GRIN2B: variants seen among roughly 807,000 people sequenced by gnomAD.
The protein encoded by GRIN2B is glutamate receptor ionotropic, NMDA 2B.
Under a neutral mutation model 114.5 loss-of-function variants are expected in GRIN2B, and 5 were observed. The ratio of observed to expected loss-of-function variants is 0.04; its 90% CI spans 0.02 to 0.09. The LOEUF (loss-of-function observed/expected upper bound fraction) is 0.09. Ranked by LOEUF, GRIN2B falls within the 10% of genes least tolerant of loss-of-function variation. The pLI, the probability that GRIN2B is intolerant of heterozygous loss-of-function variation, is 1.00. For synonymous variants in GRIN2B, 787 were observed against 745.1 expected (o/e 1.06, Z -0.92); for missense variants, 1,108 against 1,943.5 (o/e 0.57, Z 8.08).
intron 4 of GRIN2B, among the ~76,000 whole-genome samples, chr12:13,685,847 T>A (rs1379315864): frequency 1.3e-5 from 2 of 152,174 alleles, no homozygotes; most frequent in East Asian, 1.9e-4. Flanking sequence ...TTGTTTGCAA[T>A]AAGGAGTTTG....
chr12:13,767,074 G>A (rs1042019527), intron 3 of GRIN2B, among the ~76,000 whole-genome samples: 3 of 152,006 alleles, frequency 2.0e-5, no homozygotes, highest in Admixed American at 1.3e-4. Flanking sequence ...GGCTAACACC[G>A]TGAAACCCCG....
intron 3 of GRIN2B, among the ~76,000 whole-genome samples, chr12:13,818,711 C>T (rs1864874950): frequency 6.6e-6 from 1 of 152,040 alleles, no homozygotes; most frequent in South Asian, 2.1e-4. Context: ...GATTACTAGC[C>T]CTCAACTTTC....
intron 2 of GRIN2B, among the ~76,000 whole-genome samples, chr12:13,884,333 A>C (rs1042570289): frequency 6.6e-6 from 1 of 152,168 alleles, no homozygotes; most frequent in African/African-American, 2.4e-5. Flanking sequence ...AGACACCTTA[A>C]CAATATTGAG....
rs561287450 is a variant in GRIN2B at position 13,591,645 on chromosome 12, C to A, written c.2010+16958G>T. On this transcript the variant is annotated intron_variant, in intron 10 of 13. Coordinates refer to ENST00000609686, the MANE Select transcript of GRIN2B (RefSeq NM_000834.5). ...TGTAAAGCATCTAGCCTGGAGAATG[C>A]CACCCAGCAGTCACTAATGACAGGT... 2.0e-5 allele frequency among the ~76,000 whole-genome samples: 3 copies of A among 152,214 alleles called. No individual in the cohort carries two copies. In the South Asian group the frequency reaches 6.2e-4, roughly 32 times the overall value.
chr12:13,831,876 C>T (rs1865154393), intron 3 of GRIN2B, among the ~76,000 whole-genome samples: 1 of 152,130 alleles, frequency 6.6e-6, no homozygotes, highest in Middle Eastern at 3.2e-3. Flanking sequence ...ATAAGCAGTA[C>T]CCTGTGTTTC....
At chr12:13,577,893 T>C (rs1948798661) in intron 10 of GRIN2B, among the ~76,000 whole-genome samples, 2 of 152,216 alleles carry the variant, frequency 1.3e-5, no homozygotes, top group South Asian at 4.1e-4. Flanking sequence ...CCATTTACTT[T>C]TTCATTTCAT....
chr12:13,887,480 T>C (rs1866183993), intron 2 of GRIN2B, among the ~76,000 whole-genome samples: 1 of 151,910 alleles, frequency 6.6e-6, no homozygotes, highest in Non-Finnish European at 1.5e-5. Context: ...AGGCATGGGA[T>C]TACAAGGCAC....
At chr12:13,728,233 T>A (rs993823367) in intron 4 of GRIN2B, among the ~76,000 whole-genome samples, 1 of 152,240 alleles carries the variant, frequency 6.6e-6, no homozygotes, top group African/African-American at 2.4e-5. Context: ...CTCAGATTCA[T>A]GCACTGAGTA....
At chr12:13,572,852 A>G (rs750887325) in intron 10 of GRIN2B, among the ~76,000 whole-genome samples, 1 of 152,200 alleles carries the variant, frequency 6.6e-6, no homozygotes, top group East Asian at 1.9e-4. Context: ...TCTTCTGTGA[A>G]TTCTTTCTTC....
chr12:13,632,588 C>A (rs994765008), intron 5 of GRIN2B, among the ~76,000 whole-genome samples: 15 of 152,170 alleles, frequency 9.9e-5, no homozygotes, highest in African/African-American at 3.6e-4. Flanking sequence ...TGGGACTCAT[C>A]CTCTGCCTAA....
intron 11 of GRIN2B, among the ~76,000 whole-genome samples, chr12:13,571,016 G>T (rs1948700837): frequency 6.6e-6 from 1 of 152,144 alleles, no homozygotes; most frequent in Admixed American, 6.5e-5. Context: ...AATCTTCTGT[G>T]ACTGTATTTA....
chr12:13,697,402 C>T (rs952741255), intron 4 of GRIN2B, among the ~76,000 whole-genome samples: 8 of 152,316 alleles, frequency 5.3e-5, no homozygotes, highest in South Asian at 4.1e-4. Context: ...CGTATCCCTA[C>T]CCCATTTCTC....
chr12:13,966,267 T>C (rs761486109), intron 2 of GRIN2B, among the ~76,000 whole-genome samples: 52 of 152,204 alleles, frequency 3.4e-4, no homozygotes, highest in Non-Finnish European at 6.8e-4. Flanking sequence ...ATTGACACAC[T>C]ATCAAGCTTT....
At chr12:13,805,985 T>C (rs1864592769) in intron 3 of GRIN2B, among the ~76,000 whole-genome samples, 1 of 152,208 alleles carries the variant, frequency 6.6e-6, no homozygotes, top group Admixed American at 6.5e-5. Context: ...ACAGTGTTTG[T>C]CTTTCTGTAT....
intron 3 of GRIN2B, among the ~76,000 whole-genome samples, chr12:13,850,922 A>C (rs553101913): frequency 3.9e-5 from 6 of 152,308 alleles, no homozygotes; most frequent in South Asian, 4.1e-4. Context: ...AAGGAGAATA[A>C]TACTACTGTC....
intron 3 of GRIN2B, among the ~76,000 whole-genome samples, chr12:13,755,131 C>A (rs1042364900): frequency 6.6e-6 from 1 of 152,168 alleles, no homozygotes; most frequent in Non-Finnish European, 1.5e-5. Flanking sequence ...TTCTAAGGGG[C>A]AGTTCCTTCT....
chr12:13,585,983 T>G lies in GRIN2B; in HGVS notation c.2011-14019A>C, dbSNP rs1171158027. The stretch of plus-strand genomic sequence containing the variant: ...GCCAGTGTACTTCAGTTGTCCTTAA[T>G]GGACCTCCAATTATAATGCAAACAT... On this transcript the variant is annotated intron_variant, in intron 10 of 13. Transcript: ENST00000609686. 2.0e-5 allele frequency among the ~76,000 whole-genome samples: 3 copies of G among 152,244 alleles called. No homozygotes were observed. The East Asian group carries it at 5.8e-4, about 29-fold the overall frequency.
Position 13,859,129 on chromosome 12 carries a change from AAGG to A in GRIN2B, c.411+6666_411+6668del, listed in dbSNP as rs1282106717. The stretch of plus-strand genomic sequence containing the variant: ...TGTTATTTTTGTTTTCACTTTACAG[AAGG>A]AGATTTTGAGGCTCAGAGAGTCTGA... On this transcript the variant is annotated intron_variant, in intron 3 of 13. Coordinates refer to ENST00000609686, the MANE Select transcript of GRIN2B (RefSeq NM_000834.5). Among the ~76,000 whole-genome samples the A allele has an allele frequency of 3.9e-5, 6 of 152,264 alleles. No individual in the cohort carries two copies. In the East Asian group the frequency reaches 9.6e-4, roughly 24 times the overall value.
chr12:13,957,164 G>T (rs1303263720), intron 2 of GRIN2B, among the ~76,000 whole-genome samples: 1 of 152,174 alleles, frequency 6.6e-6, no homozygotes, highest in Non-Finnish European at 1.5e-5. Context: ...TTCTCTTGGG[G>T]ATCTGTCATT....
Sources: gnomAD v4.1 joint callset for allele counts (sites outside exome capture counted in the v4.1 genomes callset) on GRCh38, gnomAD v4.1.1 for gene constraint, MANE v1.5 for transcripts, NCBI Gene and HGNC (gene_info 2026-07-23, HGNC 2026-07-21) for gene names.